TMC1: variants seen among roughly 807,000 people sequenced by gnomAD.
TMC1 encodes the protein transmembrane channel-like protein 1.
Under a neutral mutation model 105.8 loss-of-function variants are expected in TMC1, and 84 were observed. The ratio of observed to expected loss-of-function variants is 0.79; its 90% CI spans 0.67 to 0.95. The LOEUF (loss-of-function observed/expected upper bound fraction) is 0.95, where lower values mean the gene tolerates loss of function less well. TMC1 is among the 40% of genes least tolerant of loss of function. The pLI is 0.00. For missense variants in TMC1, 817 were observed against 914.1 expected, an observed-to-expected ratio of 0.89 and a Z score of 1.37; for synonymous variants, 315 against 311.5, an observed-to-expected ratio of 1.01 and a Z score of -0.12.
chr9:72,655,539 G>A (rs769014637), intron 5 of TMC1, among the ~76,000 whole-genome samples: 7 of 151,766 alleles, frequency 4.6e-5, no homozygotes, highest in Admixed American at 6.6e-5. Flanking sequence ...TCAAGAGATC[G>A]AGACCATCCT....
At chr9:72,634,047 A>C (rs1036027913) in intron 4 of TMC1, among the ~76,000 whole-genome samples, 1 of 152,200 alleles carries the variant, frequency 6.6e-6, no homozygotes, top group South Asian at 2.1e-4. Context: ...CTGCCTCCCC[A>C]AGAGCTCAGG....
At position 72,571,210 on chromosome 9, in the gene TMC1, C is replaced by T. The variant is rs867972593; in HGVS notation, c.-427-6692C>T. 8.6e-5 allele frequency among the ~76,000 whole-genome samples: 13 copies of T among 150,846 alleles called. No individual in the cohort carries two copies. In the South Asian group the frequency reaches 2.7e-3, roughly 32 times the overall value. On this transcript the variant is annotated intron_variant, in intron 1 of 23. Coordinates refer to ENST00000297784, the MANE Select transcript of TMC1 (RefSeq NM_138691.3). ...TGGTGGCAGGTGCCTGTAGTCCCAG[C>T]TACTTGGGAGGCTGAGGGAGGAAAA...
chr9:72,790,046 T>C (rs1828239945), intron 15 of TMC1, among the ~76,000 whole-genome samples: 2 of 152,182 alleles, frequency 1.3e-5, no homozygotes, highest in South Asian at 4.1e-4. Context: ...ACATAGATCA[T>C]TTAGAATCAG....
chr9:72,683,317 G>T (rs1291523628), intron 5 of TMC1, among the ~76,000 whole-genome samples: 1 of 151,962 alleles, frequency 6.6e-6, no homozygotes, highest in African/African-American at 2.4e-5. Flanking sequence ...TCTAAATGCT[G>T]TTCTTGGCAT....
intron 3 of TMC1, among the ~76,000 whole-genome samples, chr9:72,626,363 G>A (rs1294185322): frequency 6.6e-6 from 1 of 152,136 alleles, no homozygotes. Context: ...AGAAAGATCT[G>A]GCTTGGAGAT....
At chr9:72,753,529 C>T (rs556033851) in intron 11 of TMC1, among the ~76,000 whole-genome samples, 1 of 152,074 alleles carries the variant, frequency 6.6e-6, no homozygotes, top group Admixed American at 6.5e-5. Context: ...GGAGTGCCTA[C>T]GTGTTAGGTT....
intron 2 of TMC1, among the ~76,000 whole-genome samples, chr9:72,597,253 A>T (rs1824735607): frequency 6.6e-6 from 1 of 152,256 alleles, no homozygotes. Flanking sequence ...GAAAGAAAGA[A>T]TGATGCAGGT....
At position 72,816,130 on chromosome 9, in the gene TMC1, G is replaced by A. The variant is rs1828783664; in HGVS notation, c.1696-13G>A. 1.2e-6 allele frequency: 2 copies of A among 1,612,258 alleles called. No individual in the cohort carries two copies. Among genetic ancestry groups the A allele is most frequent in the African/African-American group, 1.3e-5 (1 of 74,882 alleles). ...GTGAGACGCTAATCCAATGAACATT[G>A]TGTCTCCTCTAGCCTTCATACACCG... On this transcript the variant is annotated splice_polypyrimidine_tract_variant and intron_variant, in intron 18 of 23. Coordinates refer to ENST00000297784, the MANE Select transcript of TMC1 (RefSeq NM_138691.3).
At chr9:72,673,092 T>C (rs895219058) in intron 5 of TMC1, among the ~76,000 whole-genome samples, 33 of 152,174 alleles carry the variant, frequency 2.2e-4, no homozygotes, top group African/African-American at 7.2e-4. Context: ...ATTTGGTAAC[T>C]AATATCATAC....
At chr9:72,572,056 G>A (rs1002954933) in intron 1 of TMC1, among the ~76,000 whole-genome samples, 1 of 152,080 alleles carries the variant, frequency 6.6e-6, no homozygotes, top group Non-Finnish European at 1.5e-5. Context: ...AGCTGGTCTC[G>A]AACTCCCAAC....
chr9:72,525,006 TAG>T (rs1453720582), intron 1 of TMC1, among the ~76,000 whole-genome samples: 1 of 152,180 alleles, frequency 6.6e-6, no homozygotes, highest in Non-Finnish European at 1.5e-5. Flanking sequence ...GTTTTTCTTG[TAG>T]AGTTTGTCTT....
chr9:72,622,983 C>T lies in TMC1; in HGVS notation c.-195-4938C>T, dbSNP rs1055263042. ...AGGAGAATCACTTGAACCCGGGTGT[C>T]GGAGGTTGCAGGGAGCCGAGATTGT... is the stretch of plus-strand genomic sequence containing the variant. On this transcript the variant is annotated intron_variant, in intron 3 of 23. Coordinates refer to ENST00000297784, the MANE Select transcript of TMC1 (RefSeq NM_138691.3). 6.0e-5 allele frequency among the ~76,000 whole-genome samples: 9 copies of T among 149,132 alleles called. No individual in the cohort carries two copies. The South Asian group carries it at 6.5e-4, about 11-fold the overall frequency.
At chr9:72,621,222 A>G (rs1825242995) in intron 3 of TMC1, among the ~76,000 whole-genome samples, 1 of 152,248 alleles carries the variant, frequency 6.6e-6, no homozygotes, top group Non-Finnish European at 1.5e-5. Flanking sequence ...GCATATTTAC[A>G]TACACATTGA....
At chr9:72,557,293 C>G (rs1007199957) in intron 1 of TMC1, among the ~76,000 whole-genome samples, 7 of 152,090 alleles carry the variant, frequency 4.6e-5, no homozygotes, top group African/African-American at 1.7e-4. Flanking sequence ...ATCGCTTGAA[C>G]CCGGGGGGCA....
intron 2 of TMC1, among the ~76,000 whole-genome samples, chr9:72,585,636 A>G (rs146775279): frequency 6.6e-6 from 1 of 152,250 alleles, no homozygotes; most frequent in Non-Finnish European, 1.5e-5. Flanking sequence ...TCTGGCTTGG[A>G]GTTGACCAAA....
chr9:72,550,287 G>A (rs1055476114), intron 1 of TMC1, among the ~76,000 whole-genome samples: 2 of 151,858 alleles, frequency 1.3e-5, no homozygotes, highest in Admixed American at 6.6e-5. Flanking sequence ...GGCCAAAATG[G>A]TGAAACCCTG....
intron 18 of TMC1, among the ~76,000 whole-genome samples, chr9:72,815,740 AAAGTTT>A (rs1482435657): frequency 6.6e-6 from 1 of 152,216 alleles, no homozygotes; most frequent in Non-Finnish European, 1.5e-5. Flanking sequence ...ATTGCTTGTT[AAAGTTT>A]ATCATCACAT....
At chr9:72,570,389 A>G (rs10120249) in intron 1 of TMC1, among the ~76,000 whole-genome samples, 42,943 of 151,920 alleles carry the variant, frequency 0.28, 6,628 homozygotes, top group African/African-American at 0.38. Context: ...TTCAAACAAA[A>G]CAAATTATAG....
Position 72,835,290 on chromosome 9 carries a change from C to T in TMC1, c.2261-661C>T, listed in dbSNP as rs145320288. ...GTTTTATGTCCATCTTCACTCTGTT[C>T]ATCCCACAGTGCTTACCTGAGGTAT... On this transcript the variant is annotated intron_variant, in intron 23 of 23. Transcript: ENST00000297784. Among the ~76,000 whole-genome samples the T allele has an allele frequency of 4.9e-3, 753 of 152,320 alleles. 10 individuals are homozygous for T. The East Asian group carries it at 0.052, about 10-fold the overall frequency.
Sources: gnomAD v4.1 joint callset for allele counts (sites outside exome capture counted in the v4.1 genomes callset) on GRCh38, gnomAD v4.1.1 for gene constraint, MANE v1.5 for transcripts, NCBI Gene and HGNC (gene_info 2026-07-23, HGNC 2026-07-21) for gene names.